COL22A1: variants seen among roughly 807,000 people sequenced by gnomAD.
COL22A1 encodes the protein collagen type XXII alpha 1 chain, also known as collagen alpha-1(XXII) chain.
In COL22A1, 221 loss-of-function variants were observed where a neutral mutation model predicts 248.9. That is an observed-to-expected ratio of 0.89 (90% CI 0.80 to 0.99). The LOEUF (loss-of-function observed/expected upper bound fraction) is 0.99, where lower values mean the gene tolerates loss of function less well. Ranked by LOEUF, COL22A1 falls within the 50% of genes least tolerant of loss-of-function variation. COL22A1 has a pLI of 0.00. For synonymous variants in COL22A1, 891 were observed against 793.4 expected (o/e 1.12, Z -2.07); for missense variants, 2,240 against 2,179.0 (o/e 1.03, Z -0.56).
At chr8:138,627,932 G>A (rs1449624825) in intron 50 of COL22A1, among the ~76,000 whole-genome samples, 3 of 152,092 alleles carry the variant, frequency 2.0e-5, no homozygotes, top group Non-Finnish European at 2.9e-5. Flanking sequence ...TTTTGAAGAC[G>A]CTGACCAAAA....
chr8:138,844,406 C>T (rs994389861), intron 3 of COL22A1, among the ~76,000 whole-genome samples: 5 of 152,206 alleles, frequency 3.3e-5, no homozygotes, highest in Admixed American at 6.5e-5. Flanking sequence ...AGGCTTTCTT[C>T]CTGTCTATGA....
intron 10 of COL22A1, among the ~76,000 whole-genome samples, chr8:138,806,087 A>ATGCTGTG (rs1817658233): frequency 1.3e-3 from 3 of 2,318 alleles, no homozygotes; most frequent in Non-Finnish European, 1.8e-3. Flanking sequence ...GGTGTGTGTA[A>ATGCTGTG]TGGTGTGTGA....
intron 44 of COL22A1, among the ~76,000 whole-genome samples, chr8:138,659,934 C>T (rs77847750): frequency 0.022 from 3,394 of 152,316 alleles, 120 homozygotes; most frequent in African/African-American, 0.078. Flanking sequence ...CGCTAGGAAA[C>T]GGGCAAGTTA....
chr8:138,631,880 T>C (rs1054353716), intron 49 of COL22A1, among the ~76,000 whole-genome samples: 4 of 152,174 alleles, frequency 2.6e-5, no homozygotes. Context: ...TGTTTATTGA[T>C]TTCTCATTTA....
intron 3 of COL22A1, among the ~76,000 whole-genome samples, chr8:138,850,558 GT>G (rs1425235037): frequency 6.6e-6 from 1 of 152,194 alleles, no homozygotes; most frequent in African/African-American, 2.4e-5. Context: ...GGATGCAGTT[GT>G]CTTTGTTTGG....
At chr8:138,685,351 C>T (rs1343046012) in intron 37 of COL22A1, 39 bp from the exon 38 acceptor site, 1 of 1,556,004 alleles carries the variant, frequency 6.4e-7, no homozygotes, top group East Asian at 2.3e-5. Flanking sequence ...GTCAATTACA[C>T]TCAGCACGAA....
At chr8:138,883,391 G>A (rs1824396120) in intron 1 of COL22A1, 147 bp from the exon 2 acceptor site, 1 of 577,918 alleles carries the variant, frequency 1.7e-6, no homozygotes, top group Non-Finnish European at 3.1e-6. Flanking sequence ...GCGAATGTGT[G>A]ACCTTCCAGA....
chr8:138,743,995 T>C (rs1490314494), intron 22 of COL22A1, among the ~76,000 whole-genome samples: 2 of 152,182 alleles, frequency 1.3e-5, no homozygotes, highest in Non-Finnish European at 2.9e-5. Context: ...CAGTTCCTGT[T>C]CTCCAGGCCT....
intron 16 of COL22A1, 133 bp from the exon 17 acceptor site, chr8:138,762,599 C>CAT: frequency 1.6e-6 from 1 of 643,804 alleles, no homozygotes. Flanking sequence ...CACACACACA[C>CAT]ACACACACAC....
At chr8:138,747,789 A>C (rs1832246249) in intron 22 of COL22A1, among the ~76,000 whole-genome samples, 1 of 152,178 alleles carries the variant, frequency 6.6e-6, no homozygotes, top group Non-Finnish European at 1.5e-5. Flanking sequence ...TGTTGAATGG[A>C]TGAATTTGTG....
At position 138,693,708 on chromosome 8, in the gene COL22A1, G is replaced by T. The variant is rs569746277; in HGVS notation, c.2701-9C>A. On this transcript the variant is annotated splice_polypyrimidine_tract_variant and intron_variant, in intron 34 of 64. Transcript: ENST00000303045. ...TCCTGTCCCTTGGCACCCTGCACAG[G>T]AAATAAAAGAGGGGCGGGGGTAAGA... 65 of 1,565,900 alleles carry T rather than the reference G, an allele frequency of 4.2e-5. No homozygotes were observed. The East Asian group carries it at 1.0e-3, about 24-fold the overall frequency.
intron 3 of COL22A1, among the ~76,000 whole-genome samples, chr8:138,859,129 A>G (rs1322221672): frequency 6.6e-6 from 1 of 152,212 alleles, no homozygotes; most frequent in Non-Finnish European, 1.5e-5. Flanking sequence ...AAGACATGCA[A>G]ACAAGACAAG....
At chr8:138,803,328 G>A (rs914722218) in intron 10 of COL22A1, among the ~76,000 whole-genome samples, 8 of 152,072 alleles carry the variant, frequency 5.3e-5, no homozygotes, top group Non-Finnish European at 1.2e-4. Flanking sequence ...TCCATAAACA[G>A]GCACGTCATC....
chr8:138,893,918 G>C (rs1224390096), intron 1 of COL22A1, among the ~76,000 whole-genome samples: 1 of 152,212 alleles, frequency 6.6e-6, no homozygotes, highest in Non-Finnish European at 1.5e-5. Flanking sequence ...GTCAGGGAAG[G>C]CTTCCTGGAG....
rs754558192 is a variant in COL22A1 at position 138,751,493 on chromosome 8, C to T, written c.2050G>A (p.Gly684Ser). The T allele has an allele frequency of 1.2e-6, 2 of 1,612,322 alleles. No homozygotes were observed. Among genetic ancestry groups the T allele is most frequent in the East Asian group, 4.5e-5 (2 of 44,770 alleles). Residue 684 changes from glycine (G) to serine (S), a missense_variant, in exon 22 of 65, where the codon GGC (glycine) becomes AGC (serine). Physicochemically the swap from Gly to Ser is moderately conservative, Grantham distance 56 (BLOSUM62 0). Coordinates refer to ENST00000303045, the MANE Select transcript of COL22A1 (RefSeq NM_152888.3). ...PGARGPIGPE[G>S]RDGPPGLQGL... is the part of the protein sequence containing the mutation. ...TGCAAACCAGGAGGTCCATCCCTGC[C>T]TTCTGGGCCTATTGGACCCTTTAGG...
intron 2 of COL22A1, among the ~76,000 whole-genome samples, chr8:138,881,609 C>T (rs906598812): frequency 6.6e-6 from 1 of 152,170 alleles, no homozygotes; most frequent in African/African-American, 2.4e-5. Flanking sequence ...GGCGTGAACC[C>T]GGGAGGCGGA....
At chr8:138,878,388 T>A (rs1157321614) in intron 2 of COL22A1, 72 bp from the exon 3 acceptor site, 1 of 1,234,480 alleles carries the variant, frequency 8.1e-7, no homozygotes, top group Admixed American at 2.9e-5. Context: ...GGTATACAGG[T>A]CACTGGGGTC....
chr8:138,806,130 G>A (rs201742159), intron 10 of COL22A1, among the ~76,000 whole-genome samples: 1 of 68,020 alleles, frequency 1.5e-5, no homozygotes, highest in African/African-American at 4.8e-5. Flanking sequence ...GTAGGTAATG[G>A]TGTGTGGTGG....
At chr8:138,598,096 G>A (rs1304529041) in intron 61 of COL22A1, among the ~76,000 whole-genome samples, 4 of 152,236 alleles carry the variant, frequency 2.6e-5, no homozygotes, top group Admixed American at 6.5e-5. Context: ...GGATCTCTGC[G>A]TTTATCTTTT....
Sources: gnomAD v4.1 joint callset for allele counts (sites outside exome capture counted in the v4.1 genomes callset) on GRCh38, gnomAD v4.1.1 for gene constraint, MANE v1.5 for transcripts, NCBI Gene and HGNC (gene_info 2026-07-23, HGNC 2026-07-21) for gene names.